The following STRIT1 variants were observed in gnomAD, a reference collection of about 807,000 sequenced individuals.
STRIT1 encodes small transmembrane regulator of ion transport 1.
In STRIT1 at chr3:155,291,459, T is replaced by C. The variant is rs543287220; in HGVS notation, c.14-421A>G. On this transcript the variant is annotated intron_variant, in intron 1 of 2. Coordinates refer to ENST00000489090, the MANE Select transcript of STRIT1 (RefSeq NM_001352129.2). ...CAATAACATATACAGCAGCTATTTA[T>C]ATAAAAAACAATCTAATACAACTCT... Among the ~76,000 whole-genome samples the C allele has an allele frequency of 2.6e-4, 39 of 152,316 alleles. No homozygotes were observed. The South Asian group carries it at 2.7e-3, about 11-fold the overall frequency.
chr3:155,293,518 A>C (rs1164660769), intron 1 of STRIT1, 102 bp downstream of exon 1: 3 of 397,182 alleles, frequency 7.6e-6, no homozygotes, highest in African/African-American at 6.2e-5. Flanking sequence ...TAGATATCAC[A>C]TTTTTTAGAG....
chr3:155,291,115 A>G, intron 1 of STRIT1, 77 bp from the exon 2 acceptor site: 1 of 396,988 alleles, frequency 2.5e-6, no homozygotes, highest in East Asian at 3.6e-5. Flanking sequence ...GAATAAAAGG[A>G]ATTTGGTAAC....
intron 1 of STRIT1, chr3:155,291,397 G>A (rs1576715621): frequency 6.1e-6 from 1 of 164,324 alleles, no homozygotes. Flanking sequence ...ACCACCGTGT[G>A]TGTTTAGTGT....
In STRIT1 at chr3:155,291,013, C is replaced by G. The variant is rs1715621819; in HGVS notation, c.39G>C (p.Leu13=). Residue 13 remains leucine (L), a synonymous_variant, in exon 2 of 3, where the codon CTG becomes CTC. Coordinates refer to ENST00000489090, the MANE Select transcript of STRIT1 (RefSeq NM_001352129.2). The stretch of plus-strand genomic sequence containing the variant: ...AGCCAATCAGGAGAAGAATAGGAAC[C>G]AGAAGGTGTGAAAATGTAGACCCCG... ...EKAGSTFSHL[L]VPILLLIGWI... 5.0e-6 allele frequency: 2 copies of G among 398,386 alleles called. No homozygotes were observed. Among genetic ancestry groups the G allele is most frequent in the African/African-American group, 2.1e-5 (1 of 48,530 alleles). 24.7% of individuals were successfully genotyped at this position (398,386 alleles called of 1,614,324 possible). A position where few individuals can be genotyped will look rare whatever the true frequency, so the allele number is the denominator to read the frequency against.
chr3:155,291,702 C>A (rs1349189393), intron 1 of STRIT1, among the ~76,000 whole-genome samples: 1 of 152,092 alleles, frequency 6.6e-6, no homozygotes, highest in Admixed American at 6.6e-5. Context: ...CAGTAATAAT[C>A]CAACACACAC....
At chr3:155,291,169 T>TTA in intron 1 of STRIT1, 131 bp from the exon 2 acceptor site, 1 of 391,114 alleles carries the variant, frequency 2.6e-6, no homozygotes, top group Non-Finnish European at 4.5e-6. Context: ...CCATACATAA[T>TTA]TATTTTTTCT....
intron 1 of STRIT1, among the ~76,000 whole-genome samples, chr3:155,291,679 C>T (rs1289443912): frequency 6.6e-6 from 1 of 152,110 alleles, no homozygotes; most frequent in Non-Finnish European, 1.5e-5. Context: ...AGCACTGAAC[C>T]TGAATCAATG....
In STRIT1 at chr3:155,290,923, A is replaced by G; in HGVS notation, c.*4+17T>C. On this transcript the variant is annotated intron_variant, in intron 2 of 2. Transcript: ENST00000489090. ...AATTTAGACTATAAATAAACATTCAATTATTAAAACCCTTACCTTTCTAAG... is the reference window on the plus strand; with the variant it reads ...AATTTAGACTATAAATAAACATTCAGTTATTAAAACCCTTACCTTTCTAAG... 5.0e-6 allele frequency: 2 copies of G among 398,560 alleles called. No homozygotes were observed. The highest frequency in any genetic ancestry group is 8.9e-6 in the Non-Finnish European group (2 of 225,756). The allele number at this position is 398,560 out of a possible 1,614,324, so 24.7% of individuals were successfully genotyped here.
At chr3:155,292,775 C>A (rs1481632961) in intron 1 of STRIT1, among the ~76,000 whole-genome samples, 2 of 152,150 alleles carry the variant, frequency 1.3e-5, no homozygotes. Context: ...CAAAACATCT[C>A]TTAAACATGA....
intron 1 of STRIT1, among the ~76,000 whole-genome samples, chr3:155,292,047 A>T (rs1171637184): frequency 6.6e-6 from 1 of 152,192 alleles, no homozygotes; most frequent in Non-Finnish European, 1.5e-5. Flanking sequence ...AATTTCCATC[A>T]CTTTAAAATG....
At chr3:155,292,974 G>GGGGATGAT in intron 1 of STRIT1, among the ~76,000 whole-genome samples, 1 of 152,070 alleles carries the variant, frequency 6.6e-6, no homozygotes, top group Non-Finnish European at 1.5e-5. Flanking sequence ...TCTATAAAAT[G>GGGGATGAT]GGGATGATGA....
chr3:155,293,621 T>C lies in STRIT1; in HGVS notation c.12A>G (p.Lys4=), dbSNP rs1715690103. The change falls in exon 1 of 3, where the codon AAA becomes AAG. Residue 4 remains lysine (K), a splice_region_variant and synonymous_variant. Transcript: ENST00000489090. ...AGAATCCTATGCCTTAAATCTTACCTTTTTCAGCCATTATTCCTGTTGGTG... is the reference window on the plus strand; with the variant it reads ...AGAATCCTATGCCTTAAATCTTACCCTTTTCAGCCATTATTCCTGTTGGTG... The part of the protein sequence containing the change: MAE[K]AGSTFSHLLV... 3 of 397,768 alleles carry C rather than the reference T, an allele frequency of 7.5e-6. No homozygotes were observed. In the Admixed American group the frequency reaches 1.3e-4, roughly 18 times the overall value. The allele number at this position is 397,768 out of a possible 1,614,324, so 24.6% of individuals were successfully genotyped here.
intron 1 of STRIT1, 75 bp downstream of exon 1, chr3:155,293,545 A>G (rs1051960877): frequency 2.8e-5 from 11 of 398,080 alleles, no homozygotes; most frequent in Admixed American, 4.4e-5. Flanking sequence ...GGAAACACCA[A>G]GAAACATAAA....
At chr3:155,293,329 T>C (rs1362078972) in intron 1 of STRIT1, among the ~76,000 whole-genome samples, 1 of 152,122 alleles carries the variant, frequency 6.6e-6, no homozygotes, top group African/African-American at 2.4e-5. Flanking sequence ...TGGCTCAGAA[T>C]TGAAATCAGG....
rs1715617492 is a variant in STRIT1, at chr3:155,290,811, ATTC to A, written c.*37_*39del. 1 of 392,502 alleles carries A rather than the reference ATTC, an allele frequency of 2.5e-6. No homozygotes were observed. The highest frequency in any genetic ancestry group is 4.4e-5 in the Admixed American group (1 of 22,586). 24.3% of individuals were successfully genotyped at this position (392,502 alleles called of 1,614,324 possible). A position where few individuals can be genotyped will look rare whatever the true frequency, so the allele number is the denominator to read the frequency against. On this transcript the variant is annotated 3_prime_UTR_variant, in exon 3 of 3. Transcript: ENST00000489090. Reference sequence around the variant, plus strand: ...ATCAGTCATGTTCATAGTTTTCTTAATTCTTCTAAATGATGTCAATCTGATATC... The same window carrying A: ...ATCAGTCATGTTCATAGTTTTCTTAATTCTAAATGATGTCAATCTGATATC...
intron 2 of STRIT1, 25 bp from the exon 3 acceptor site, chr3:155,290,871 T>C (rs543224349): frequency 7.6e-6 from 3 of 397,120 alleles, no homozygotes; most frequent in East Asian, 3.6e-5. Context: ...ATTCCATTAG[T>C]AAAATAGAAA....
intron 1 of STRIT1, chr3:155,291,298 TA>T (rs1205723498): frequency 3.5e-6 from 1 of 288,858 alleles, no homozygotes; most frequent in Non-Finnish European, 6.3e-6. Context: ...ACTGGTAAAA[TA>T]TGAATAATGA....
At chr3:155,292,563 G>T (rs1177126488) in intron 1 of STRIT1, among the ~76,000 whole-genome samples, 1 of 151,984 alleles carries the variant, frequency 6.6e-6, no homozygotes, top group Admixed American at 6.6e-5. Flanking sequence ...AGCCCTAAAA[G>T]TATCTCATTA....
chr3:155,290,845 G>A lies in STRIT1; in HGVS notation c.*6C>T. The A allele has an allele frequency of 2.5e-6, 1 of 394,898 alleles. No individual in the cohort carries two copies. The highest frequency in any genetic ancestry group is 1.4e-4 in the South Asian group (1 of 7,196). The allele number at this position is 394,898 out of a possible 1,614,324, so 24.5% of individuals were successfully genotyped here. On this transcript the variant is annotated splice_region_variant and 3_prime_UTR_variant, in exon 3 of 3. Transcript: ENST00000489090. ...AATGATGTCAATCTGATATCTTCTT[G>A]CCTGAAAGACAAAACATTCCATTAG... is the stretch of plus-strand genomic sequence containing the variant.
Sources: allele counts gnomAD v4.1 joint callset (sites outside exome capture counted in the v4.1 genomes callset), GRCh38; gene constraint gnomAD v4.1.1; transcripts MANE v1.5; gene names NCBI Gene and HGNC (gene_info 2026-07-23, HGNC 2026-07-21).